Variants in PRX observed in about 807,000 individuals in gnomAD.
The protein encoded by PRX is periaxin.
Under a neutral mutation model 29.6 loss-of-function variants are expected in PRX, and 24 were observed. The ratio of observed to expected loss-of-function variants is 0.81; its 90% CI spans 0.59 to 1.14. PRX has a LOEUF of 1.14. Among genes scored for constraint, PRX ranks in the 50% most tolerant of loss-of-function variants. The pLI, the probability that PRX is intolerant of heterozygous loss-of-function variation, is 0.00. For missense variants in PRX, 1,838 were observed against 1,926.4 expected, an observed-to-expected ratio of 0.95 and a Z score of 0.86; for synonymous variants, 772 against 831.7, an observed-to-expected ratio of 0.93 and a Z score of 1.24.
At chr19:40,405,705 T>C (rs1296103120) in intron 4 of PRX, among the ~76,000 whole-genome samples, 3 of 140,116 alleles carry the variant, frequency 2.1e-5, no homozygotes, top group Non-Finnish European at 4.6e-5. Context: ...AGTGGCACAA[T>C]CTTGGCTCAC....
In PRX at chr19:40,398,294, G is replaced by T. The variant is rs2079461805; in HGVS notation, c.382-324C>A. ...AGGGAGAGAAACAACTTTGTCCAGGGCCACTCAGCAGTAATTGGGCCAGCA... is the reference window on the plus strand; with the variant it reads ...AGGGAGAGAAACAACTTTGTCCAGGTCCACTCAGCAGTAATTGGGCCAGCA... On this transcript the variant is annotated intron_variant, in intron 6 of 6. Transcript: ENST00000324001. This position sits in a 1 kb window ranked among gnomAD's most constrained non-coding sequence, Gnocchi z 6.3. 7.0e-7 allele frequency: 1 copy of T among 1,420,792 alleles called. No individual in the cohort carries two copies. The highest frequency in any genetic ancestry group is 9.2e-7 in the Non-Finnish European group (1 of 1,091,582). 88.0% of individuals were successfully genotyped at this position (1,420,792 alleles called of 1,614,324 possible).
At chr19:40,407,779 G>T in intron 4 of PRX, 127 bp downstream of exon 4, 1 of 1,350,558 alleles carries the variant, frequency 7.4e-7, no homozygotes, top group Non-Finnish European at 1.0e-6. Flanking sequence ...AATAGACCCT[G>T]TTATTATTTC....
intron 4 of PRX, 45 bp from the exon 5 acceptor site, chr19:40,403,907 C>A: frequency 6.3e-7 from 1 of 1,588,912 alleles, no homozygotes; most frequent in Non-Finnish European, 8.5e-7. Context: ...TAGGGCCGGA[C>A]CTCGCCCAGA....
chr19:40,402,791 C>A (rs950553930), intron 5 of PRX, among the ~76,000 whole-genome samples: 6 of 97,780 alleles, frequency 6.1e-5, no homozygotes, highest in Non-Finnish European at 1.2e-4. Flanking sequence ...AAAAAAAAAT[C>A]TCTCCCCACT....
chr19:40,396,698 A>T lies in PRX; in HGVS notation c.1654T>A (p.Ser552Thr), dbSNP rs754257849. Residue 552 changes from serine to threonine, a missense_variant, in exon 7 of 7, where the codon TCA becomes ACA. Transcript: ENST00000324001. ...RLPEVQLPKV[S>T]EMKLPEVSEV... ...GACACCTCTGGGAGTTTCATCTCTG[A>T]CACTTTCGGCAGCTGTACCTCTGGA... The T allele has an allele frequency of 6.2e-7, 1 of 1,609,006 alleles. No homozygotes were observed. The highest frequency in any genetic ancestry group is 8.5e-7 in the Non-Finnish European group (1 of 1,178,740).
Position 40,403,787 on chromosome 19 carries a change from C to G in PRX, c.103G>C (p.Ala35Pro), listed in dbSNP as rs775883735. The change falls in exon 5 of 7, where the codon GCG (alanine) becomes CCG (proline). Residue 35 changes from alanine to proline, a missense_variant. Ala to Pro is a conservative substitution (Grantham distance 27, BLOSUM62 -1). This residue lies in a region of PRX where 666 missense variants were observed against 665.0 expected (regional missense o/e 1.00). Transcript: ENST00000324001. ...AAGATTCCCTCTTTGCCGCCGCCCG[C>G]TACGTTGATGCCGCTGACCCCGGTC... ...AQTGVSGINV[A>P]GGGKEGIFVR... The G allele has an allele frequency of 6.2e-7, 1 of 1,607,010 alleles. No homozygotes were observed. Among genetic ancestry groups the G allele is most frequent in the Non-Finnish European group, 8.5e-7 (1 of 1,177,658 alleles).
In PRX at chr19:40,398,576, TCG is replaced by T; in HGVS notation, c.381+42_381+43del. The T allele has an allele frequency of 6.2e-7, 1 of 1,607,846 alleles. No homozygotes were observed. The highest frequency in any genetic ancestry group is 1.1e-5 in the South Asian group (1 of 90,942). ...TGGGGCTCACGGCGCAGAGACCGGA[TCG>T]CTGGGGCAGTCCAGGGCCGGGGCCG... On this transcript the variant is annotated intron_variant, in intron 6 of 6. Transcript: ENST00000324001. The surrounding 1 kb of genome is among the most constrained non-coding windows in gnomAD (Gnocchi z 6.3).
intron 5 of PRX, among the ~76,000 whole-genome samples, chr19:40,401,722 C>T (rs530949542): frequency 8.9e-4 from 134 of 151,390 alleles, no homozygotes; most frequent in Non-Finnish European, 1.5e-3. Context: ...GGCCTCATAG[C>T]TTGTTCCCTT....
intron 4 of PRX, among the ~76,000 whole-genome samples, chr19:40,404,468 T>G (rs2079519233): frequency 1.3e-5 from 2 of 151,622 alleles, no homozygotes; most frequent in Non-Finnish European, 2.9e-5. Context: ...AACACAGGCC[T>G]GAGAGGAAGA....
At position 40,397,591 on chromosome 19, in the gene PRX, G is replaced by C. The variant is rs748153822; in HGVS notation, c.761C>G (p.Pro254Arg). The C allele has an allele frequency of 6.5e-7, 1 of 1,542,266 alleles. No homozygotes were observed. The highest frequency in any genetic ancestry group is 8.7e-7 in the Non-Finnish European group (1 of 1,148,318). ...AEVGVPQVSA[P>R]KAAPSAEAAG... Reference sequence around the variant, plus strand: ...TGCCTCTGCTGAGGGGGCAGCCTTGGGGGCTGAGACCTGGGGGACACCCAC... The same window carrying C: ...TGCCTCTGCTGAGGGGGCAGCCTTGCGGGCTGAGACCTGGGGGACACCCAC... Residue 254 changes from proline (P) to arginine (R), a missense_variant, in exon 7 of 7, where the codon CCC (proline) becomes CGC (arginine). Pro to Arg is a moderately radical substitution (Grantham distance 103). Coordinates refer to ENST00000324001, the MANE Select transcript of PRX (RefSeq NM_181882.3).
chr19:40,412,030 G>A (rs566747667), intron 1 of PRX, among the ~76,000 whole-genome samples: 6 of 152,352 alleles, frequency 3.9e-5, no homozygotes, highest in African/African-American at 1.2e-4. Context: ...TGCGACTTAT[G>A]CCCTTCAGAG....
chr19:40,401,851 T>C (rs2079496707), intron 5 of PRX, among the ~76,000 whole-genome samples: 1 of 151,314 alleles, frequency 6.6e-6, no homozygotes, highest in African/African-American at 2.4e-5. Flanking sequence ...TACTGCAACC[T>C]TAAGCAATTC....
chr19:40,398,176 A>G lies in PRX; in HGVS notation c.382-206T>C. ...CCATCTAGGATCTCCAAATGAGTCA[A>G]CAGGAGTGTAGGGACGGGGACCCAA... On this transcript the variant is annotated intron_variant, in intron 6 of 6. Coordinates refer to ENST00000324001, the MANE Select transcript of PRX (RefSeq NM_181882.3). This position sits in a 1 kb window ranked among gnomAD's most constrained non-coding sequence, Gnocchi z 6.3. 7.0e-7 allele frequency: 1 copy of G among 1,429,180 alleles called. No homozygotes were observed. 88.5% of individuals were successfully genotyped at this position (1,429,180 alleles called of 1,614,324 possible).
chr19:40,402,780 A>AAAAAAAAG (rs1299234418), intron 5 of PRX, among the ~76,000 whole-genome samples: 3 of 149,496 alleles, frequency 2.0e-5, no homozygotes, highest in Non-Finnish European at 4.5e-5. Flanking sequence ...GTCTCAAAAA[A>AAAAAAAAG]AAAAAAAAAT....
chr19:40,395,656 G>A lies in PRX; in HGVS notation c.2696C>T (p.Pro899Leu). Reference sequence around the variant, plus strand: ...CTGTGGGGTGACAATTTCAACAGAGGGCACTCGGAAGCCCACTTCCCTGAC... The same window carrying A: ...CTGTGGGGTGACAATTTCAACAGAGAGCACTCGGAAGCCCACTTCCCTGAC... ...AGVREVGFRV[P>L]SVEIVTPQLP... Residue 899 changes from proline (P) to leucine (L), a missense_variant, in exon 7 of 7, where the codon CCC becomes CTC. Physicochemically the swap from Pro to Leu is moderately conservative, Grantham distance 98. Around this residue, in one of 3 missense-constraint regions of PRX, gnomAD observed 1,143 missense variants for 1,193.0 expected, o/e 0.96. Coordinates refer to ENST00000324001, the MANE Select transcript of PRX (RefSeq NM_181882.3). 2 of 1,614,132 alleles carry A rather than the reference G, an allele frequency of 1.2e-6. No individual in the cohort carries two copies. The highest frequency in any genetic ancestry group is 1.7e-6 in the Non-Finnish European group (2 of 1,180,022).
At position 40,394,498 on chromosome 19, in the gene PRX, C is replaced by T. The variant is rs763990676; in HGVS notation, c.3854G>A (p.Gly1285Glu). The T allele has an allele frequency of 1.3e-6, 2 of 1,599,590 alleles. No homozygotes were observed. The highest frequency in any genetic ancestry group is 4.6e-5 in the East Asian group (2 of 43,904). Reference sequence around the variant, plus strand: ...CACCTGGTACTCGGCATGGTTGCCCCCGGATGGCGAGAGCTCCACGTCGGG... The same window carrying T: ...CACCTGGTACTCGGCATGGTTGCCCTCGGATGGCGAGAGCTCCACGTCGGG... Reference protein sequence around the residue: ...SLPDVELSPSGGNHAEYQVAE... With the variant: ...SLPDVELSPSEGNHAEYQVAE... The change falls in exon 7 of 7, where the codon GGG (glycine) becomes GAG (glutamate). Residue 1285 changes from glycine to glutamate, a missense_variant. Coordinates refer to ENST00000324001, the MANE Select transcript of PRX (RefSeq NM_181882.3). The surrounding 1 kb of genome is among the most constrained non-coding windows in gnomAD (Gnocchi z 5.8).
chr19:40,404,282 G>C (rs903903491), intron 4 of PRX, among the ~76,000 whole-genome samples: 1 of 152,158 alleles, frequency 6.6e-6, no homozygotes, highest in African/African-American at 2.4e-5. Flanking sequence ...CGAGGCCCTG[G>C]AGCGGCAGCC....
At chr19:40,413,135 A>G (rs1028258778) in intron 1 of PRX, among the ~76,000 whole-genome samples, 33 of 152,196 alleles carry the variant, frequency 2.2e-4, no homozygotes, top group African/African-American at 8.0e-4. Flanking sequence ...ACAAAGGATG[A>G]AGTATCTTGC....
chr19:40,394,870 C>T lies in PRX; in HGVS notation c.3482G>A (p.Gly1161Glu), dbSNP rs762202297. 4 of 1,611,942 alleles carry T rather than the reference C, an allele frequency of 2.5e-6. No individual in the cohort carries two copies. The highest frequency in any genetic ancestry group is 1.7e-5 in the Admixed American group (1 of 60,028). Reference protein sequence around the residue: ...SLPQVELTGFGEAGTPGQQAQ... With the variant: ...SLPQVELTGFEEAGTPGQQAQ... Reference sequence around the variant, plus strand: ...CTGCTGCCCTGGGGTACCTGCCTCCCCAAAGCCGGTCAGCTCCACCTGTGG... The same window carrying T: ...CTGCTGCCCTGGGGTACCTGCCTCCTCAAAGCCGGTCAGCTCCACCTGTGG... Residue 1161 changes from glycine to glutamate, a missense_variant, in exon 7 of 7, where the codon GGG (glycine) becomes GAG (glutamate). By Grantham distance (98) the Gly-to-Glu change is moderately conservative. Coordinates refer to ENST00000324001, the MANE Select transcript of PRX (RefSeq NM_181882.3). The surrounding 1 kb of genome is among the most constrained non-coding windows in gnomAD (Gnocchi z 5.8).
Sources: allele counts gnomAD v4.1 joint callset (sites outside exome capture counted in the v4.1 genomes callset), GRCh38; gene constraint gnomAD v4.1.1; regional missense constraint gnomAD v4.1.1; non-coding constraint Gnocchi (gnomAD v3.1); transcripts MANE v1.5; gene names NCBI Gene and HGNC (gene_info 2026-07-23, HGNC 2026-07-21).